Variants in UBE2G2 observed in about 807,000 individuals in gnomAD.
The protein encoded by UBE2G2 is ubiquitin-conjugating enzyme E2 G2.
UBE2G2 carries 10 observed loss-of-function variants against 23.0 expected under a neutral mutation model. That is an observed-to-expected ratio of 0.43 (90% CI 0.27 to 0.74). UBE2G2 has a LOEUF of 0.74. Ranked by LOEUF, UBE2G2 falls within the 30% of genes least tolerant of loss-of-function variation. The pLI is 0.19. For missense variants in UBE2G2, 150 were observed against 218.3 expected (o/e 0.69, Z 1.97); for synonymous variants, 86 against 81.3 (o/e 1.06, Z -0.31).
In UBE2G2 at chr21:44,772,060, G is replaced by A. The variant is rs912725288; in HGVS notation, c.386-571C>T. Among the ~76,000 whole-genome samples the A allele has an allele frequency of 2.0e-5, 3 of 152,228 alleles. No homozygotes were observed. Among genetic ancestry groups the A allele is most frequent in the African/African-American group, 7.2e-5 (3 of 41,452 alleles). ...AGAACTGCAGTTAGGAGGCACGGAG[G>A]GAGTAGCCAGGGCCTGCCGGAAGGC... On this transcript the variant is annotated intron_variant, in intron 5 of 5. Transcript: ENST00000345496. This position sits in a 1 kb window ranked among gnomAD's most constrained non-coding sequence, Gnocchi z 5.4.
rs2082848267 is a variant in UBE2G2 at position 44,768,871 on chromosome 21, G to T, written c.*2506C>A. On this transcript the variant is annotated 3_prime_UTR_variant, in exon 6 of 6. Coordinates refer to ENST00000345496, the MANE Select transcript of UBE2G2 (RefSeq NM_003343.6). ...AACTAACCTGAGAATTCCAGAGGAAGACCACAGAATGACAGAAGGGAGATC... is the reference window on the plus strand; with the variant it reads ...AACTAACCTGAGAATTCCAGAGGAATACCACAGAATGACAGAAGGGAGATC... The T allele has an allele frequency of 6.6e-6, 1 of 152,202 alleles. No homozygotes were observed. The highest frequency in any genetic ancestry group is 6.5e-5 in the Admixed American group (1 of 15,270). 9.4% of individuals were successfully genotyped at this position (152,202 alleles called of 1,614,324 possible).
intron 3 of UBE2G2, among the ~76,000 whole-genome samples, chr21:44,781,712 A>G (rs1333442225): frequency 6.6e-6 from 1 of 152,148 alleles, no homozygotes; most frequent in Non-Finnish European, 1.5e-5. Flanking sequence ...GTTTAAACCC[A>G]GAGATCCCCT....
chr21:44,776,675 T>G (rs1462890733), intron 4 of UBE2G2, among the ~76,000 whole-genome samples: 3 of 152,194 alleles, frequency 2.0e-5, no homozygotes, highest in African/African-American at 7.2e-5. Flanking sequence ...TCCCGTGCTG[T>G]TCTCGTGATA....
rs2082870611 is a variant in UBE2G2 at position 44,771,161 on chromosome 21, T to A, written c.*216A>T. On this transcript the variant is annotated 3_prime_UTR_variant, in exon 6 of 6. Coordinates refer to ENST00000345496, the MANE Select transcript of UBE2G2 (RefSeq NM_003343.6). This position sits in a 1 kb window ranked among gnomAD's most constrained non-coding sequence, Gnocchi z 4.6. The stretch of plus-strand genomic sequence containing the variant: ...CTGAAGCCCTTTGTGAGGAATACTG[T>A]AAAACTGCAGTAAGCTGTCAATATT... 4.2e-5 allele frequency: 23 copies of A among 551,824 alleles called. No individual in the cohort carries two copies. In the South Asian group the frequency reaches 5.3e-4, roughly 13 times the overall value. 34.2% of individuals were successfully genotyped at this position (551,824 alleles called of 1,614,324 possible). A position where few individuals can be genotyped will look rare whatever the true frequency, so the allele number is the denominator to read the frequency against.
In UBE2G2 at chr21:44,769,888, A is replaced by T. The variant is rs1403684652; in HGVS notation, c.*1489T>A. 2 of 152,262 alleles carry T rather than the reference A, an allele frequency of 1.3e-5. No homozygotes were observed. The highest frequency in any genetic ancestry group is 4.1e-4 in the South Asian group (2 of 4,836). 9.4% of individuals were successfully genotyped at this position (152,262 alleles called of 1,614,324 possible). On this transcript the variant is annotated 3_prime_UTR_variant, in exon 6 of 6. Coordinates refer to ENST00000345496, the MANE Select transcript of UBE2G2 (RefSeq NM_003343.6). ...AGACCATCCCTTATTTCAAAAATAG[A>T]AATTCCTATTTAAATGCCGCCCGTG... is the stretch of plus-strand genomic sequence containing the variant.
At chr21:44,787,802 TG>T in intron 3 of UBE2G2, 117 bp downstream of exon 3, 3 of 1,148,992 alleles carry the variant, frequency 2.6e-6, no homozygotes, top group Non-Finnish European at 3.7e-6. Context: ...TGGGCATTAC[TG>T]GAGAACTCAG....
chr21:44,787,104 A>AC (rs397801809), intron 3 of UBE2G2, among the ~76,000 whole-genome samples: 1 of 149,162 alleles, frequency 6.7e-6, no homozygotes, highest in Admixed American at 6.7e-5. Context: ...AAAAAAAAAA[A>AC]GAAAGAAAGA....
At chr21:44,794,236 G>A (rs1463530082) in intron 1 of UBE2G2, among the ~76,000 whole-genome samples, 2 of 152,312 alleles carry the variant, frequency 1.3e-5, no homozygotes, top group Admixed American at 1.3e-4. Context: ...TTTAAGCCGT[G>A]CCCAGCCTGT....
At chr21:44,797,741 A>AAAAAAAAAAAAAAAAAAT (rs869172926) in intron 1 of UBE2G2, among the ~76,000 whole-genome samples, 1 of 107,974 alleles carries the variant, frequency 9.3e-6, no homozygotes, top group Non-Finnish European at 1.8e-5. Context: ...AAAAAAAAAA[A>AAAAAAAAAAAAAAAAAAT]GAGAAAATAC....
chr21:44,801,808 G>A lies in UBE2G2; in HGVS notation c.-60C>T, dbSNP rs542915185. On this transcript the variant is annotated 5_prime_UTR_variant, in exon 1 of 6. Coordinates refer to ENST00000345496, the MANE Select transcript of UBE2G2 (RefSeq NM_003343.6). ...CAGCCGCGCGCGTGCCTCCTGCCCC[G>A]ACACCGGGGACTGCTTCCGGGCCAC... 5 of 1,486,776 alleles carry A rather than the reference G, an allele frequency of 3.4e-6. No homozygotes were observed. The African/African-American group carries it at 5.9e-5, about 17-fold the overall frequency. The allele number at this position is 1,486,776 out of a possible 1,614,324, so 92.1% of individuals were successfully genotyped here.
chr21:44,777,616 T>C (rs2082923112), intron 3 of UBE2G2, among the ~76,000 whole-genome samples, 199 bp from the exon 4 acceptor site: 1 of 152,098 alleles, frequency 6.6e-6, no homozygotes. Context: ...AAGACCAGCC[T>C]GGGCAACATG....
rs1601172578 is a variant in UBE2G2, at chr21:44,771,263, T to C, written c.*114A>G. On this transcript the variant is annotated 3_prime_UTR_variant, in exon 6 of 6. Transcript: ENST00000345496. This position sits in a 1 kb window ranked among gnomAD's most constrained non-coding sequence, Gnocchi z 4.6. ...TTGAAAAAAAAAAAAGATGCCATGG[T>C]TCTTGCAAGTCTGCCTTGTTTGGTA... 2 of 889,800 alleles carry C rather than the reference T, an allele frequency of 2.2e-6. No individual in the cohort carries two copies. The highest frequency in any genetic ancestry group is 5.1e-5 in the East Asian group (2 of 39,436). 55.1% of individuals were successfully genotyped at this position (889,800 alleles called of 1,614,324 possible). A position where few individuals can be genotyped will look rare whatever the true frequency, so the allele number is the denominator to read the frequency against.
At chr21:44,794,600 T>C (rs1339459783) in intron 1 of UBE2G2, among the ~76,000 whole-genome samples, 1 of 151,294 alleles carries the variant, frequency 6.6e-6, no homozygotes, top group Non-Finnish European at 1.5e-5. Context: ...AGTGGCGTGA[T>C]CTCGGCTCAC....
Position 44,772,478 on chromosome 21 carries a change from C to T in UBE2G2, c.386-989G>A, listed in dbSNP as rs782663675. On this transcript the variant is annotated intron_variant, in intron 5 of 5. Coordinates refer to ENST00000345496, the MANE Select transcript of UBE2G2 (RefSeq NM_003343.6). The surrounding 1 kb of genome is among the most constrained non-coding windows in gnomAD (Gnocchi z 5.4). ...TGCTCTTTCCTTTCGGACTTGCCGCCTTCCTTTCCCACACCCTTCCTCCTG... is the reference window on the plus strand; with the variant it reads ...TGCTCTTTCCTTTCGGACTTGCCGCTTTCCTTTCCCACACCCTTCCTCCTG... Among the ~76,000 whole-genome samples, 1 of 149,462 alleles carries T rather than the reference C, an allele frequency of 6.7e-6. No individual in the cohort carries two copies. The highest frequency in any genetic ancestry group is 1.5e-5 in the Non-Finnish European group (1 of 67,000).
chr21:44,786,717 C>G (rs1420996254), intron 3 of UBE2G2, among the ~76,000 whole-genome samples: 1 of 152,212 alleles, frequency 6.6e-6, no homozygotes, highest in African/African-American at 2.4e-5. Context: ...CTTTTCCGGT[C>G]CTTGCCCTCT....
intron 1 of UBE2G2, among the ~76,000 whole-genome samples, chr21:44,795,244 CAG>C (rs1327606089): frequency 6.6e-6 from 1 of 151,940 alleles, no homozygotes; most frequent in Non-Finnish European, 1.5e-5. Flanking sequence ...GCCTGGATGA[CAG>C]AGAGAGCACC....
intron 1 of UBE2G2, among the ~76,000 whole-genome samples, chr21:44,790,546 AT>A (rs1264748283): frequency 3.3e-5 from 5 of 152,308 alleles, no homozygotes; most frequent in African/African-American, 9.6e-5. Flanking sequence ...AATTTCCTCC[AT>A]GCTGTTCTCA....
At chr21:44,784,988 T>G (rs908726048) in intron 3 of UBE2G2, among the ~76,000 whole-genome samples, 1 of 152,050 alleles carries the variant, frequency 6.6e-6, no homozygotes, top group African/African-American at 2.4e-5. Context: ...CTGTCCCACA[T>G]AAGTGCATCA....
intron 1 of UBE2G2, among the ~76,000 whole-genome samples, chr21:44,789,760 G>A (rs1019427398): frequency 5.9e-5 from 9 of 152,118 alleles, no homozygotes; most frequent in Non-Finnish European, 1.2e-4. Context: ...AAACGCTTGC[G>A]TCCCCCCAAA....
Sources: gnomAD v4.1 joint callset for allele counts (sites outside exome capture counted in the v4.1 genomes callset) on GRCh38, gnomAD v4.1.1 for gene constraint, Gnocchi (gnomAD v3.1) non-coding constraint, MANE v1.5 for transcripts, NCBI Gene and HGNC (gene_info 2026-07-23, HGNC 2026-07-21) for gene names.